PPP4R2: variants seen among roughly 807,000 people sequenced by gnomAD.
PPP4R2 encodes the protein serine/threonine-protein phosphatase 4 regulatory subunit 2.
Under a neutral mutation model 47.2 loss-of-function variants are expected in PPP4R2, and 13 were observed. That is an observed-to-expected ratio of 0.28 (90% CI 0.18 to 0.44). The LOEUF is 0.44. PPP4R2 is among the 20% of genes least tolerant of loss of function. The pLI is 1.00. For synonymous variants in PPP4R2, 151 were observed against 163.3 expected, an observed-to-expected ratio of 0.92 and a Z score of 0.57; for missense variants, 421 against 491.2, an observed-to-expected ratio of 0.86 and a Z score of 1.35.
intron 3 of PPP4R2, 110 bp downstream of exon 3, chr3:73,047,466 T>G (rs1702507781): frequency 9.3e-6 from 6 of 644,140 alleles, no homozygotes; most frequent in Non-Finnish European, 1.5e-5. Context: ...TAGAATAAAT[T>G]CCTTGTTTCT....
Position 73,066,239 on chromosome 3 carries a change from C to CATATATATATATATATATATAT in PPP4R2, c.*519_*540dup, listed in dbSNP as rs148662984. ...TGGAACTTTAAGTCATATATACATA[C>CATATATATATATATATATATAT]ATATATATATATATATATATATAAT... is the stretch of plus-strand genomic sequence containing the variant. On this transcript the variant is annotated 3_prime_UTR_variant, in exon 9 of 9. Coordinates refer to ENST00000356692, the MANE Select transcript of PPP4R2 (RefSeq NM_174907.4). The CATATATATATATATATATATAT allele has an allele frequency of 2.3e-4, 31 of 134,102 alleles. No homozygotes were observed. The highest frequency in any genetic ancestry group is 3.0e-4 in the Non-Finnish European group (19 of 62,764). The allele number at this position is 134,102 out of a possible 1,614,324, so 8.3% of individuals were successfully genotyped here. A position where few individuals can be genotyped will look rare whatever the true frequency, so the allele number is the denominator to read the frequency against.
chr3:73,058,901 T>C (rs1249283978), intron 3 of PPP4R2, 136 bp from the exon 4 acceptor site: 1 of 491,892 alleles, frequency 2.0e-6, no homozygotes, highest in African/African-American at 2.1e-5. Flanking sequence ...CATCCATTTA[T>C]TTCCCTATTA....
intron 3 of PPP4R2, among the ~76,000 whole-genome samples, chr3:73,051,283 T>TTG (rs1467067605): frequency 6.6e-6 from 1 of 152,216 alleles, no homozygotes; most frequent in Non-Finnish European, 1.5e-5. Flanking sequence ...TAATTTTCAG[T>TTG]TTATCAGTGC....
intron 2 of PPP4R2, among the ~76,000 whole-genome samples, chr3:73,022,765 T>A (rs1396056840): frequency 7.0e-6 from 1 of 143,432 alleles, no homozygotes; most frequent in Non-Finnish European, 1.5e-5. Context: ...GCTTGCCGCA[T>A]TTCTTTTTTT....
chr3:72,997,281 T>A (rs1575830511), intron 1 of PPP4R2: 3 of 409,390 alleles, frequency 7.3e-6, no homozygotes, highest in African/African-American at 4.1e-5. Flanking sequence ...GCCGCCGGCG[T>A]CTGGGCTGGG....
chr3:73,047,869 T>C (rs954286639), intron 3 of PPP4R2, among the ~76,000 whole-genome samples: 1 of 152,114 alleles, frequency 6.6e-6, no homozygotes, highest in Non-Finnish European at 1.5e-5. Flanking sequence ...ACTCCCCGGT[T>C]TTTTTGTTTT....
chr3:73,012,244 T>C (rs1441052224), intron 2 of PPP4R2, among the ~76,000 whole-genome samples: 1 of 152,232 alleles, frequency 6.6e-6, no homozygotes, highest in Non-Finnish European at 1.5e-5. Flanking sequence ...TTATATTGTT[T>C]AGGAAGTAAT....
At chr3:72,998,869 T>C (rs549168148) in intron 2 of PPP4R2, among the ~76,000 whole-genome samples, 3 of 152,272 alleles carry the variant, frequency 2.0e-5, no homozygotes, top group African/African-American at 7.2e-5. Flanking sequence ...AGTGCATCTT[T>C]GATGACTTCT....
chr3:73,048,602 G>A (rs1702539679), intron 3 of PPP4R2, among the ~76,000 whole-genome samples: 1 of 152,322 alleles, frequency 6.6e-6, no homozygotes, highest in East Asian at 1.9e-4. Flanking sequence ...AGAAGTGTTT[G>A]TGAAGTTGAA....
At chr3:73,020,081 G>A (rs1701928060) in intron 2 of PPP4R2, among the ~76,000 whole-genome samples, 1 of 152,292 alleles carries the variant, frequency 6.6e-6, no homozygotes, top group Non-Finnish European at 1.5e-5. Context: ...AAATACCATT[G>A]ACTTGGTGAC....
chr3:73,060,166 A>G (rs879545288), intron 4 of PPP4R2, among the ~76,000 whole-genome samples: 4 of 152,196 alleles, frequency 2.6e-5, no homozygotes, highest in Non-Finnish European at 4.4e-5. Flanking sequence ...AACAGGAATC[A>G]AAAACCATTA....
At chr3:73,037,507 C>CTT (rs200259319) in intron 2 of PPP4R2, among the ~76,000 whole-genome samples, 1 of 151,916 alleles carries the variant, frequency 6.6e-6, no homozygotes, top group East Asian at 1.9e-4. Flanking sequence ...TGACTAGAGA[C>CTT]TTTTTTTTAC....
At chr3:73,045,757 C>T (rs1448763197) in intron 2 of PPP4R2, among the ~76,000 whole-genome samples, 2 of 152,056 alleles carry the variant, frequency 1.3e-5, no homozygotes, top group African/African-American at 4.8e-5. Context: ...GAACTCCTGA[C>T]CTCAGGTGAT....
chr3:73,049,022 T>G (rs1702553158), intron 3 of PPP4R2, among the ~76,000 whole-genome samples: 1 of 152,220 alleles, frequency 6.6e-6, no homozygotes, highest in African/African-American at 2.4e-5. Context: ...CTGTGCACCC[T>G]GTTGGACTGT....
At chr3:73,058,476 C>T (rs1257678341) in intron 3 of PPP4R2, among the ~76,000 whole-genome samples, 1 of 151,478 alleles carries the variant, frequency 6.6e-6, no homozygotes, top group Non-Finnish European at 1.5e-5. Context: ...AGTTTTGAAG[C>T]TTTCTGTTGA....
intron 3 of PPP4R2, among the ~76,000 whole-genome samples, chr3:73,048,285 C>A (rs539443587): frequency 6.6e-6 from 1 of 152,286 alleles, no homozygotes; most frequent in Non-Finnish European, 1.5e-5. Context: ...GACAGAGTCT[C>A]GCTGTCACCC....
At chr3:73,039,121 A>G (rs1409758513) in intron 2 of PPP4R2, among the ~76,000 whole-genome samples, 1 of 152,158 alleles carries the variant, frequency 6.6e-6, no homozygotes, top group East Asian at 1.9e-4. Flanking sequence ...CATTTATATA[A>G]AAAACAATAC....
Position 73,066,518 on chromosome 3 carries a change from C to T in PPP4R2, c.*796C>T, listed in dbSNP as rs1703000419. 1 of 151,936 alleles carries T rather than the reference C, an allele frequency of 6.6e-6. No homozygotes were observed. Among genetic ancestry groups the T allele is most frequent in the African/African-American group, 2.4e-5 (1 of 41,410 alleles). 9.4% of individuals were successfully genotyped at this position (151,936 alleles called of 1,614,324 possible). On this transcript the variant is annotated 3_prime_UTR_variant, in exon 9 of 9. Transcript: ENST00000356692. The stretch of plus-strand genomic sequence containing the variant: ...ACTTCTGAGGTGCCTGAGAAAAAGA[C>T]TTCATTATTTATGAGAAAATATGCT...
chr3:73,052,398 A>G (rs541400622), intron 3 of PPP4R2, among the ~76,000 whole-genome samples: 2 of 152,256 alleles, frequency 1.3e-5, no homozygotes, highest in African/African-American at 4.8e-5. Flanking sequence ...TAAAAATTTT[A>G]ATGAAATGGT....
Sources: gnomAD v4.1 joint callset for allele counts (sites outside exome capture counted in the v4.1 genomes callset) on GRCh38, gnomAD v4.1.1 for gene constraint, MANE v1.5 for transcripts, NCBI Gene and HGNC (gene_info 2026-07-23, HGNC 2026-07-21) for gene names.